The following SPTBN1 variants were observed in gnomAD, a reference collection of about 807,000 sequenced individuals.
SPTBN1 encodes spectrin beta chain, non-erythrocytic 1.
Under a neutral mutation model 266.4 loss-of-function variants are expected in SPTBN1, and 32 were observed. The ratio of observed to expected loss-of-function variants is 0.12; its 90% CI spans 0.09 to 0.16. SPTBN1 has a LOEUF of 0.16. Ranked by LOEUF, SPTBN1 falls within the 10% of genes least tolerant of loss-of-function variation. The pLI is 1.00. For synonymous variants in SPTBN1, 1,336 were observed against 1,162.2 expected, an observed-to-expected ratio of 1.15 and a Z score of -3.04; for missense variants, 2,296 against 3,067.1, an observed-to-expected ratio of 0.75 and a Z score of 5.94.
At chr2:54,561,688 G>A (rs549299146) in intron 2 of SPTBN1, among the ~76,000 whole-genome samples, 1 of 141,278 alleles carries the variant, frequency 7.1e-6, no homozygotes, top group South Asian at 2.1e-4. Context: ...AATTTATAGA[G>A]ATATTATAAA....
chr2:54,668,655 T>C lies in SPTBN1; in HGVS notation c.*86T>C. On this transcript the variant is annotated 3_prime_UTR_variant, in exon 36 of 36. Transcript: ENST00000356805. Reference sequence around the variant, plus strand: ...CTCAGAACCAACACATTACTCTCTGTGCCTAATGTTCCTCAATGTGGTTGA... The same window carrying C: ...CTCAGAACCAACACATTACTCTCTGCGCCTAATGTTCCTCAATGTGGTTGA... The C allele has an allele frequency of 8.6e-7, 1 of 1,162,516 alleles. No homozygotes were observed. Among genetic ancestry groups the C allele is most frequent in the African/African-American group, 1.6e-5 (1 of 62,414 alleles). The allele number at this position is 1,162,516 out of a possible 1,614,324, so 72.0% of individuals were successfully genotyped here.
At chr2:54,472,191 C>A (rs1337095131) in intron 1 of SPTBN1, among the ~76,000 whole-genome samples, 1 of 151,882 alleles carries the variant, frequency 6.6e-6, no homozygotes, top group South Asian at 2.1e-4. Flanking sequence ...CCACGCCCAG[C>A]TAATTTTTTG....
chr2:54,656,071 AT>A (rs1188953766), intron 29 of SPTBN1, 73 bp downstream of exon 29: 1 of 1,300,198 alleles, frequency 7.7e-7, no homozygotes, highest in Non-Finnish European at 1.1e-6. Context: ...TCTTGCTTTA[AT>A]TCATTAATGT....
Position 54,631,134 on chromosome 2 carries a change from G to A in SPTBN1, c.3087G>A (p.Gln1029=). The change falls in exon 16 of 36, where the codon CAG becomes CAA. Residue 1029 remains glutamine (Q), a synonymous_variant. Coordinates refer to ENST00000356805, the MANE Select transcript of SPTBN1 (RefSeq NM_003128.3). ...AGCTGGAGTCCGAGCACCCCGACCA[G>A]GCCCAGGCCATCCTGTCTCGGCTGG... ...AEKLESEHPD[Q]AQAILSRLAE... 1.2e-6 allele frequency: 2 copies of A among 1,614,228 alleles called. No individual in the cohort carries two copies. The highest frequency in any genetic ancestry group is 1.7e-6 in the Non-Finnish European group (2 of 1,180,044).
At chr2:54,505,925 C>T (rs1573293700) in intron 1 of SPTBN1, among the ~76,000 whole-genome samples, 2 of 151,860 alleles carry the variant, frequency 1.3e-5, no homozygotes, top group Admixed American at 1.3e-4. Context: ...GAGATCGAGA[C>T]CATCCTGGCT....
intron 1 of SPTBN1, among the ~76,000 whole-genome samples, chr2:54,456,893 C>T (rs1295680321): frequency 1.3e-5 from 2 of 151,392 alleles, no homozygotes; most frequent in East Asian, 1.9e-4. Flanking sequence ...GCGCGGCGGC[C>T]CCTGACGCGG....
At chr2:54,512,677 T>G (rs895055571) in intron 1 of SPTBN1, among the ~76,000 whole-genome samples, 5 of 152,240 alleles carry the variant, frequency 3.3e-5, no homozygotes, top group Admixed American at 6.5e-5. Flanking sequence ...ACTTACAAAT[T>G]TATAACCTTC....
At chr2:54,509,066 G>C (rs944182050) in intron 1 of SPTBN1, among the ~76,000 whole-genome samples, 1 of 152,176 alleles carries the variant, frequency 6.6e-6, no homozygotes, top group Non-Finnish European at 1.5e-5. Context: ...GTAATGGAGG[G>C]GGGCAGAGCG....
intron 18 of SPTBN1, among the ~76,000 whole-genome samples, chr2:54,639,078 C>G (rs151237394): frequency 1.3e-5 from 2 of 152,160 alleles, no homozygotes; most frequent in African/African-American, 4.8e-5. Context: ...GGGATTTGCC[C>G]GGAGCCAGAC....
intron 5 of SPTBN1, 42 bp downstream of exon 5, chr2:54,616,340 G>T: frequency 6.4e-7 from 1 of 1,565,652 alleles, no homozygotes. Context: ...CTTCTTCCAG[G>T]ACTGAATTCC....
chr2:54,599,384 T>G (rs1676322689), intron 3 of SPTBN1, 141 bp downstream of exon 3: 1 of 968,904 alleles, frequency 1.0e-6, no homozygotes, highest in Non-Finnish European at 1.5e-6. Context: ...GTTGAGCGCT[T>G]CAGGGAGAGC....
In SPTBN1 at chr2:54,633,287, T is replaced by C. The variant is rs78151921; in HGVS notation, c.3767+519T>C. The stretch of plus-strand genomic sequence containing the variant: ...AAAATTGGCTTGGATAGTGCTGTAA[T>C]AGGATCTTTTTCATGATGGAGAGGT... On this transcript the variant is annotated intron_variant, in intron 17 of 35. Coordinates refer to ENST00000356805, the MANE Select transcript of SPTBN1 (RefSeq NM_003128.3). 6.0e-3 allele frequency among the ~76,000 whole-genome samples: 915 copies of C among 152,322 alleles called. 13 individuals carry two copies. The highest frequency in any genetic ancestry group is 0.02 in the African/African-American group (846 of 41,570).
intron 24 of SPTBN1, 149 bp from the exon 25 acceptor site, chr2:54,648,837 A>G (rs1193723210): frequency 2.6e-6 from 2 of 773,446 alleles, no homozygotes; most frequent in Non-Finnish European, 4.0e-6. Context: ...TCAGAATTTT[A>G]TTTTTCATGC....
intron 18 of SPTBN1, among the ~76,000 whole-genome samples, chr2:54,641,004 A>G (rs946740651): frequency 1.3e-5 from 2 of 152,254 alleles, no homozygotes; most frequent in Non-Finnish European, 2.9e-5. Flanking sequence ...TGTCTGGTAC[A>G]GGGATGTGAG....
At chr2:54,520,647 C>A (rs2104286779) in intron 1 of SPTBN1, among the ~76,000 whole-genome samples, 1 of 151,328 alleles carries the variant, frequency 6.6e-6, no homozygotes, top group South Asian at 2.1e-4. Flanking sequence ...ACACCCACAC[C>A]CTACCCCATG....
rs571303667 is a variant in SPTBN1 at position 54,646,287 on chromosome 2, G to C, written c.4678G>C (p.Ala1560Pro). Reference protein sequence around the residue: ...NIVTDSSSLSAEAIRQRLADL... With the variant: ...NIVTDSSSLSPEAIRQRLADL... Reference sequence around the variant, plus strand: ...CGTCACTGACAGCAGCAGCCTCAGCGCTGAGGCCATCAGACAGAGGCTTGC... The same window carrying C: ...CGTCACTGACAGCAGCAGCCTCAGCCCTGAGGCCATCAGACAGAGGCTTGC... Residue 1560 changes from alanine (A) to proline (P), a missense_variant, in exon 23 of 36, where the codon GCT becomes CCT. Ala to Pro is a conservative substitution (Grantham distance 27). Around this residue, in one of 12 missense-constraint regions of SPTBN1, gnomAD observed 644 missense variants for 745.3 expected, o/e 0.86. Coordinates refer to ENST00000356805, the MANE Select transcript of SPTBN1 (RefSeq NM_003128.3). The surrounding 1 kb of genome is among the most constrained non-coding windows in gnomAD (Gnocchi z 4.4). 46 of 1,614,206 alleles carry C rather than the reference G, an allele frequency of 2.8e-5. 1 individual carries two copies. In the South Asian group the frequency reaches 3.8e-4, roughly 13 times the overall value.
At chr2:54,612,653 G>T (rs1677298633) in intron 4 of SPTBN1, among the ~76,000 whole-genome samples, 1 of 152,154 alleles carries the variant, frequency 6.6e-6, no homozygotes, top group African/African-American at 2.4e-5. Flanking sequence ...TCTGGTCTCT[G>T]CTGCTTGGCT....
At chr2:54,487,170 CTTTTTTTTTTTT>C (rs34779689) in intron 1 of SPTBN1, among the ~76,000 whole-genome samples, 1 of 98,588 alleles carries the variant, frequency 1.0e-5, no homozygotes, top group Non-Finnish European at 1.9e-5. Flanking sequence ...ATTAGGATTT[CTTTTTTTTTTTT>C]TTTTTTTTGC....
In SPTBN1 at chr2:54,558,024, C is replaced by A; in HGVS notation, c.148+31458C>A. ...CCGCGCGGGCCCGGGACCCTTGGGGCTCTTCACTCTCCAGGCCGTCCCGTG... is the reference window on the plus strand; with the variant it reads ...CCGCGCGGGCCCGGGACCCTTGGGGATCTTCACTCTCCAGGCCGTCCCGTG... On this transcript the variant is annotated intron_variant, in intron 2 of 35. Coordinates refer to ENST00000356805, the MANE Select transcript of SPTBN1 (RefSeq NM_003128.3). The surrounding 1 kb of genome is among the most constrained non-coding windows in gnomAD (Gnocchi z 4.6). 1.0e-6 allele frequency: 1 copy of A among 985,054 alleles called. No individual in the cohort carries two copies. The highest frequency in any genetic ancestry group is 1.2e-6 in the Non-Finnish European group (1 of 829,874). The allele number at this position is 985,054 out of a possible 1,614,324, so 61.0% of individuals were successfully genotyped here. A position where few individuals can be genotyped will look rare whatever the true frequency, so the allele number is the denominator to read the frequency against.
Sources: gnomAD v4.1 joint callset for allele counts (sites outside exome capture counted in the v4.1 genomes callset) on GRCh38, gnomAD v4.1.1 for gene constraint, gnomAD v4.1.1 regional missense constraint, Gnocchi (gnomAD v3.1) non-coding constraint, MANE v1.5 for transcripts, NCBI Gene and HGNC (gene_info 2026-07-23, HGNC 2026-07-21) for gene names.